Variants in MEGF11 observed in about 807,000 individuals in gnomAD.
MEGF11 encodes the protein multiple EGF like domains 11.
In MEGF11, 126 loss-of-function variants were observed where a neutral mutation model predicts 146.6. That is an observed-to-expected ratio of 0.86 (90% confidence interval 0.74 to 1.00). The LOEUF is 1.00. MEGF11 is among the 50% of genes least tolerant of loss of function. The pLI is 0.00. For synonymous variants in MEGF11, 532 were observed against 583.4 expected, an observed-to-expected ratio of 0.91 and a Z score of 1.27; for missense variants, 1,509 against 1,521.2, an observed-to-expected ratio of 0.99 and a Z score of 0.13.
intron 5 of MEGF11, among the ~76,000 whole-genome samples, chr15:66,054,167 C>A (rs940711149): frequency 6.6e-6 from 1 of 152,160 alleles, no homozygotes; most frequent in Non-Finnish European, 1.5e-5. Flanking sequence ...CTGCCTGGCC[C>A]AGCCCCTGTC....
chr15:65,912,026 G>T (rs1331072661), intron 21 of MEGF11, 56 bp downstream of exon 21: 1 of 1,021,110 alleles, frequency 9.8e-7, no homozygotes. Context: ...CTGGGCAGAG[G>T]TGAGGGTTAA....
At chr15:65,933,380 T>C (rs2079647488) in intron 10 of MEGF11, among the ~76,000 whole-genome samples, 1 of 152,238 alleles carries the variant, frequency 6.6e-6, no homozygotes, top group African/African-American at 2.4e-5. Context: ...AGTGTCCTCA[T>C]TAGTGTCCCA....
intron 8 of MEGF11, among the ~76,000 whole-genome samples, chr15:65,969,648 C>T (rs2081235558): frequency 6.6e-6 from 1 of 152,194 alleles, no homozygotes; most frequent in East Asian, 1.9e-4. Context: ...TGGAGGGATT[C>T]ATTGGTTAAC....
intron 4 of MEGF11, among the ~76,000 whole-genome samples, chr15:66,110,033 G>A (rs2087309462): frequency 6.6e-6 from 1 of 152,084 alleles, no homozygotes; most frequent in South Asian, 2.1e-4. Flanking sequence ...GGGGTGGCAG[G>A]GCCAAGGGAG....
At chr15:65,965,432 T>C (rs1358546318) in intron 8 of MEGF11, 1 of 306,904 alleles carries the variant, frequency 3.3e-6, no homozygotes, top group African/African-American at 2.1e-5. Context: ...CAGGTTATGG[T>C]TTAAATGTTT....
rs61005291 is a variant in MEGF11, at chr15:66,033,711, C to T, written c.395-51223G>A. ...ACCAGTGTGTCCAGACTGCAAGACA[C>T]GGAGTCAAAGGAAATTATTCTCCAG... On this transcript the variant is annotated intron_variant, in intron 5 of 25. Transcript: ENST00000395614. Among the ~76,000 whole-genome samples the T allele has an allele frequency of 3.6e-3, 556 of 152,382 alleles. 4 individuals are homozygous for T. Among genetic ancestry groups the T allele is most frequent in the African/African-American group, 0.013 (535 of 41,596 alleles).
chr15:65,957,313 G>A (rs1319183926), intron 10 of MEGF11, among the ~76,000 whole-genome samples: 2 of 152,170 alleles, frequency 1.3e-5, no homozygotes, highest in African/African-American at 4.8e-5. Context: ...CACAAAGGAA[G>A]GCAACCTTCA....
chr15:66,143,508 A>T (rs1201984554), intron 1 of MEGF11, among the ~76,000 whole-genome samples: 2 of 152,232 alleles, frequency 1.3e-5, no homozygotes, highest in African/African-American at 2.4e-5. Flanking sequence ...GCTGCCCAGC[A>T]GCTGGCCAGG....
At chr15:66,041,110 T>C (rs1262933488) in intron 5 of MEGF11, among the ~76,000 whole-genome samples, 1 of 152,142 alleles carries the variant, frequency 6.6e-6, no homozygotes, top group Non-Finnish European at 1.5e-5. Context: ...AAGAACTCTT[T>C]GAGATGGGCA....
At chr15:66,230,380 G>C (rs1012314753) in intron 1 of MEGF11, among the ~76,000 whole-genome samples, 2 of 152,156 alleles carry the variant, frequency 1.3e-5, no homozygotes, top group South Asian at 4.1e-4. Flanking sequence ...GGTTATAAAC[G>C]TATTTCCCCT....
intron 1 of MEGF11, among the ~76,000 whole-genome samples, chr15:66,216,907 T>C (rs2091600108): frequency 6.6e-6 from 1 of 152,208 alleles, no homozygotes; most frequent in South Asian, 2.1e-4. Flanking sequence ...GCCTGGTTAG[T>C]TGGCTAAAGA....
chr15:65,955,790 A>G (rs1272245570), intron 10 of MEGF11, among the ~76,000 whole-genome samples: 2 of 18,986 alleles, frequency 1.1e-4, no homozygotes, highest in African/African-American at 2.2e-4. Context: ...ATATATATAT[A>G]TATACACACA....
At chr15:66,209,009 A>G (rs1466354097) in intron 1 of MEGF11, among the ~76,000 whole-genome samples, 1 of 152,248 alleles carries the variant, frequency 6.6e-6, no homozygotes, top group Non-Finnish European at 1.5e-5. Context: ...TGCTCGGAAT[A>G]TAAAAGGCTA....
chr15:66,089,537 C>T (rs2086240443), intron 5 of MEGF11, among the ~76,000 whole-genome samples: 1 of 152,156 alleles, frequency 6.6e-6, no homozygotes, highest in Admixed American at 6.5e-5. Flanking sequence ...GCAAAGCACC[C>T]TGGGATGGGA....
intron 9 of MEGF11, 128 bp downstream of exon 9, chr15:65,964,780 G>T: frequency 2.3e-6 from 2 of 870,404 alleles, no homozygotes; most frequent in Non-Finnish European, 3.5e-6. Flanking sequence ...TCAGTGCTGA[G>T]GTCCTAGCCC....
chr15:66,208,130 A>G (rs527501437), intron 1 of MEGF11, among the ~76,000 whole-genome samples: 1 of 152,226 alleles, frequency 6.6e-6, no homozygotes, highest in East Asian at 1.9e-4. Context: ...GGAACTATAT[A>G]GGAACAAAGT....
At chr15:66,209,367 A>G (rs2091386102) in intron 1 of MEGF11, among the ~76,000 whole-genome samples, 1 of 152,126 alleles carries the variant, frequency 6.6e-6, no homozygotes, top group South Asian at 2.1e-4. Context: ...AAAAACAAAA[A>G]AAACTAAACA....
At position 66,230,603 on chromosome 15, in the gene MEGF11, T is replaced by A. The variant is rs531198874; in HGVS notation, c.-9+23002A>T. Among the ~76,000 whole-genome samples the A allele has an allele frequency of 6.6e-5, 10 of 152,364 alleles. No homozygotes were observed. The South Asian group carries it at 2.1e-3, about 32-fold the overall frequency. ...AGATGTCTTACATTTCTATAGCACTTTGAAGTTTGCAAGGCACTTTCATAG... is the reference window on the plus strand; with the variant it reads ...AGATGTCTTACATTTCTATAGCACTATGAAGTTTGCAAGGCACTTTCATAG... On this transcript the variant is annotated intron_variant, in intron 1 of 25. Transcript: ENST00000395614.
intron 1 of MEGF11, among the ~76,000 whole-genome samples, chr15:66,156,529 C>A (rs1053571083): frequency 6.6e-6 from 1 of 152,086 alleles, no homozygotes; most frequent in Non-Finnish European, 1.5e-5. Flanking sequence ...TCGGCCACCA[C>A]TCCCTGTGTC....
Sources: allele counts gnomAD v4.1 joint callset (sites outside exome capture counted in the v4.1 genomes callset), GRCh38; gene constraint gnomAD v4.1.1; transcripts MANE v1.5; gene names NCBI Gene and HGNC (gene_info 2026-07-23, HGNC 2026-07-21).